Variants in TRPS1 observed in about 807,000 individuals in gnomAD.
The protein encoded by TRPS1 is transcriptional repressor GATA binding 1.
TRPS1 carries 6 observed loss-of-function variants against 101.2 expected under a neutral mutation model. The ratio of observed to expected loss-of-function variants is 0.06; its 90% CI spans 0.03 to 0.12. The LOEUF (loss-of-function observed/expected upper bound fraction) is 0.12, where lower values mean the gene tolerates loss of function less well. Ranked by LOEUF, TRPS1 falls within the 10% of genes least tolerant of loss-of-function variation. The pLI, the probability that TRPS1 is intolerant of heterozygous loss-of-function variation, is 1.00. For synonymous variants in TRPS1, 578 were observed against 589.8 expected, an observed-to-expected ratio of 0.98 and a Z score of 0.29; for missense variants, 1,363 against 1,567.0, an observed-to-expected ratio of 0.87 and a Z score of 2.20.
intron 5 of TRPS1, among the ~76,000 whole-genome samples, chr8:115,469,106 A>G (rs1325662654): frequency 6.6e-6 from 1 of 152,204 alleles, no homozygotes; most frequent in Non-Finnish European, 1.5e-5. Context: ...TTGTCACTGC[A>G]TTCCAGTCTG....
intron 5 of TRPS1, among the ~76,000 whole-genome samples, chr8:115,461,746 C>A (rs1396852253): frequency 6.6e-6 from 1 of 152,126 alleles, no homozygotes; most frequent in Non-Finnish European, 1.5e-5. Context: ...TTTCTAAAAA[C>A]CTCATCTAGG....
chr8:115,646,344 G>T (rs1434207560), intron 1 of TRPS1, among the ~76,000 whole-genome samples: 1 of 152,096 alleles, frequency 6.6e-6, no homozygotes, highest in African/African-American at 2.4e-5. Flanking sequence ...GGAAAACATA[G>T]CTACAACCTA....
Position 115,414,848 on chromosome 8 carries a change from C to A in TRPS1, c.3060G>T (p.Gln1020His), listed in dbSNP as rs1180435586. 29 of 1,613,912 alleles carry A rather than the reference C, an allele frequency of 1.8e-5. No individual in the cohort carries two copies. Among genetic ancestry groups the A allele is most frequent in the Non-Finnish European group, 2.3e-5 (27 of 1,179,924 alleles). ...PLPSLSKYEA[Q>H]GSLTKSHSAQ... ...CAGAATGGCTTTTAGTCAATGAACC[C>A]TGGGCTTCGTATTTACTTAGGCTGG... is the stretch of plus-strand genomic sequence containing the variant. Residue 1020 changes from glutamine (Q) to histidine (H), a missense_variant, in exon 7 of 7, where the codon CAG becomes CAT. Coordinates refer to ENST00000395715, the MANE Select transcript of TRPS1 (RefSeq NM_014112.5). The surrounding 1 kb of genome is among the most constrained non-coding windows in gnomAD (Gnocchi z 4.8).
At chr8:115,632,197 T>C (rs1203693713) in intron 1 of TRPS1, among the ~76,000 whole-genome samples, 1 of 152,132 alleles carries the variant, frequency 6.6e-6, no homozygotes, top group Non-Finnish European at 1.5e-5. Context: ...TGGTATGTAA[T>C]AGGTTTATTA....
At chr8:115,487,397 AC>A (rs35098703) in intron 5 of TRPS1, among the ~76,000 whole-genome samples, 67,636 of 151,892 alleles carry the variant, frequency 0.45, 15,672 homozygotes, top group African/African-American at 0.55. Flanking sequence ...CAGCCTGTGG[AC>A]CCCAGGAGTA....
At chr8:115,539,800 A>G (rs982553402) in intron 5 of TRPS1, among the ~76,000 whole-genome samples, 2 of 152,116 alleles carry the variant, frequency 1.3e-5, no homozygotes, top group African/African-American at 4.8e-5. Flanking sequence ...AGAGGTTGCA[A>G]TGAGCTGAGA....
intron 5 of TRPS1, among the ~76,000 whole-genome samples, chr8:115,461,886 A>AT (rs1814189006): frequency 1.3e-5 from 2 of 152,212 alleles, no homozygotes. Flanking sequence ...AATAAAAATA[A>AT]TATAACGAAA....
intron 5 of TRPS1, among the ~76,000 whole-genome samples, chr8:115,565,292 C>G (rs1432948213): frequency 6.6e-6 from 1 of 152,048 alleles, no homozygotes; most frequent in Non-Finnish European, 1.5e-5. Context: ...TTTTAGCAGG[C>G]TACCCTGCAA....
intron 5 of TRPS1, among the ~76,000 whole-genome samples, chr8:115,502,462 A>T (rs889431736): frequency 7.2e-5 from 11 of 152,326 alleles, no homozygotes; most frequent in African/African-American, 2.6e-4. Context: ...AAGAGAAGCT[A>T]CCAGTACAGA....
chr8:115,535,227 T>TGTATATAGC (rs1554583773), intron 5 of TRPS1, among the ~76,000 whole-genome samples: 1 of 118,832 alleles, frequency 8.4e-6, no homozygotes, highest in Non-Finnish European at 1.7e-5. Context: ...ATATAGCATA[T>TGTATATAGC]ATATATAGCA....
At chr8:115,642,321 AC>A (rs1303087559) in intron 1 of TRPS1, among the ~76,000 whole-genome samples, 3 of 150,866 alleles carry the variant, frequency 2.0e-5, no homozygotes, top group African/African-American at 4.9e-5. Context: ...TATGAATCCA[AC>A]AGAAACACAC....
intron 1 of TRPS1, among the ~76,000 whole-genome samples, chr8:115,626,842 C>T (rs1199966048): frequency 6.6e-6 from 1 of 151,660 alleles, no homozygotes; most frequent in Admixed American, 6.6e-5. Context: ...TTTTATTAGG[C>T]TTTTATTTCA....
chr8:115,567,284 C>T (rs1052345757), intron 5 of TRPS1, among the ~76,000 whole-genome samples: 3 of 152,116 alleles, frequency 2.0e-5, no homozygotes, highest in Non-Finnish European at 4.4e-5. Flanking sequence ...TAGTTACAGA[C>T]ATATTTTTTC....
At chr8:115,494,774 A>G (rs1250165904) in intron 5 of TRPS1, among the ~76,000 whole-genome samples, 1 of 152,224 alleles carries the variant, frequency 6.6e-6, no homozygotes, top group Non-Finnish European at 1.5e-5. Flanking sequence ...AAGAGAAAAA[A>G]CAATATTACC....
intron 4 of TRPS1, among the ~76,000 whole-genome samples, chr8:115,595,839 A>G (rs1817772455): frequency 6.6e-6 from 1 of 151,834 alleles, no homozygotes; most frequent in African/African-American, 2.4e-5. Flanking sequence ...TATACAAATA[A>G]AGGTAATATT....
intron 5 of TRPS1, among the ~76,000 whole-genome samples, chr8:115,461,734 A>G (rs914862484): frequency 2.0e-5 from 3 of 152,194 alleles, no homozygotes; most frequent in Non-Finnish European, 2.9e-5. Context: ...TTGAGAAACT[A>G]ATTTCTAAAA....
intron 5 of TRPS1, among the ~76,000 whole-genome samples, chr8:115,577,993 A>G (rs1817360366): frequency 1.3e-5 from 2 of 152,186 alleles, no homozygotes; most frequent in Admixed American, 6.5e-5. Flanking sequence ...GAGAAAGGCA[A>G]AGCCTGAGTA....
chr8:115,563,632 C>A (rs942670939), intron 5 of TRPS1, among the ~76,000 whole-genome samples: 2 of 152,138 alleles, frequency 1.3e-5, no homozygotes, highest in African/African-American at 4.8e-5. Flanking sequence ...AGTGACCACA[C>A]AAGTTTACTT....
At chr8:115,575,099 T>C (rs1817286788) in intron 5 of TRPS1, among the ~76,000 whole-genome samples, 1 of 152,112 alleles carries the variant, frequency 6.6e-6, no homozygotes, top group East Asian at 1.9e-4. Flanking sequence ...GCCTGACTGT[T>C]GGGACGCCAA....
Sources: allele counts gnomAD v4.1 joint callset (sites outside exome capture counted in the v4.1 genomes callset), GRCh38; gene constraint gnomAD v4.1.1; non-coding constraint Gnocchi (gnomAD v3.1); transcripts MANE v1.5; gene names NCBI Gene and HGNC (gene_info 2026-07-23, HGNC 2026-07-21).